The following PLXNA4 variants were observed in gnomAD, a reference collection of about 807,000 sequenced individuals.
PLXNA4 encodes plexin A4, also known as plexin-A4.
A neutral mutation model predicts 191.8 loss-of-function variants in PLXNA4; 44 were observed. The ratio of observed to expected loss-of-function variants is 0.23; its 90% confidence interval spans 0.18 to 0.29. The LOEUF (loss-of-function observed/expected upper bound fraction) is 0.29. PLXNA4 is among the 10% of genes least tolerant of loss of function. The pLI, the probability that PLXNA4 is intolerant of heterozygous loss-of-function variation, is 1.00. For missense variants in PLXNA4, 1,800 were observed against 2,488.8 expected, an observed-to-expected ratio of 0.72 and a Z score of 5.89; for synonymous variants, 1,082 against 1,009.5, an observed-to-expected ratio of 1.07 and a Z score of -1.36.
At chr7:132,240,052 C>T (rs997555136) in intron 5 of PLXNA4, among the ~76,000 whole-genome samples, 2 of 152,212 alleles carry the variant, frequency 1.3e-5, no homozygotes, top group South Asian at 4.1e-4. Context: ...CAAGATCCTG[C>T]CCCACCTTCT....
In PLXNA4 at chr7:132,531,409, C is replaced by G. The variant is rs183330406; in HGVS notation, c.-86-22630G>C. Among the ~76,000 whole-genome samples, 442 of 152,318 alleles carry G rather than the reference C, an allele frequency of 2.9e-3. 2 individuals carry two copies. The highest frequency in any genetic ancestry group is 3.9e-3 in the Admixed American group (60 of 15,308). On this transcript the variant is annotated intron_variant, in intron 1 of 31. Transcript: ENST00000321063. ...TCTACATGAATTACCTATTCTATTT[C>G]TCTTAATAGTCTATAAGGTAGATAT...
At chr7:132,318,733 C>T (rs914354520) in intron 3 of PLXNA4, among the ~76,000 whole-genome samples, 1 of 146,360 alleles carries the variant, frequency 6.8e-6, no homozygotes, top group Non-Finnish European at 1.5e-5. Context: ...AGGGAGAAAT[C>T]GAACCCATCT....
At chr7:132,466,334 C>T (rs1447844518) in intron 3 of PLXNA4, among the ~76,000 whole-genome samples, 1 of 152,182 alleles carries the variant, frequency 6.6e-6, no homozygotes, top group African/African-American at 2.4e-5. Flanking sequence ...GCTCTGGAGC[C>T]AGGAGTCAGG....
In PLXNA4 at chr7:132,508,052, G is replaced by A. The variant is rs535606064; in HGVS notation, c.642C>T (p.Phe214=). The A allele has an allele frequency of 5.0e-5, 81 of 1,614,210 alleles. No individual in the cohort carries two copies. The highest frequency in any genetic ancestry group is 1.6e-4 in the Middle Eastern group (1 of 6,062). The part of the protein sequence containing the change: ...LTKNSEADGM[F]AYVFHDEFVA... ...CGAACTCATCATGGAAGACGTACGC[G>A]AACATGCCATCCGCCTCAGAGTTCT... The change falls in exon 2 of 32, where the codon TTC becomes TTT. Residue 214 remains phenylalanine (F), a synonymous_variant. Transcript: ENST00000321063. The surrounding 1 kb of genome is among the most constrained non-coding windows in gnomAD (Gnocchi z 4.4).
chr7:132,576,528 C>CGT (rs1411188473), upstream of PLXNA4: 3 of 985,820 alleles, frequency 3.0e-6, no homozygotes, highest in African/African-American at 5.2e-5. The surrounding 1 kb of genome is among the most constrained non-coding windows in gnomAD (Gnocchi z 5.8). Flanking sequence ...CGTGTGCGCG[C>CGT]GTGTGGCTGC....
At chr7:132,186,787 T>C (rs61627721) in intron 15 of PLXNA4, among the ~76,000 whole-genome samples, 29,320 of 152,142 alleles carry the variant, frequency 0.19, 3,828 homozygotes, top group African/African-American at 0.36. Flanking sequence ...TATAGTTTAA[T>C]TTTGTAACAA....
At chr7:132,167,497 G>C (rs1484104045) in intron 22 of PLXNA4, among the ~76,000 whole-genome samples, 1 of 151,906 alleles carries the variant, frequency 6.6e-6, no homozygotes. Context: ...TGATTCAGCG[G>C]GTCTGGGAGG....
intron 20 of PLXNA4, among the ~76,000 whole-genome samples, chr7:132,178,835 TACAC>T (rs1182793365): frequency 4.8e-5 from 4 of 83,374 alleles, no homozygotes; most frequent in Non-Finnish European, 8.1e-5. Flanking sequence ...CACATACACA[TACAC>T]ATATATACAC....
intron 14 of PLXNA4, among the ~76,000 whole-genome samples, chr7:132,190,852 T>G (rs1047970703): frequency 6.6e-6 from 1 of 151,992 alleles, no homozygotes; most frequent in East Asian, 1.9e-4. Flanking sequence ...GACTGACTGG[T>G]TTGACGAGGA....
At chr7:132,173,611 C>T (rs940238310) in intron 21 of PLXNA4, among the ~76,000 whole-genome samples, 1 of 152,190 alleles carries the variant, frequency 6.6e-6, no homozygotes, top group African/African-American at 2.4e-5. Context: ...CCACGAATGC[C>T]CCTCTGGACT....
At chr7:132,457,919 T>A (rs754959907) in intron 3 of PLXNA4, among the ~76,000 whole-genome samples, 3 of 152,218 alleles carry the variant, frequency 2.0e-5, no homozygotes, top group Non-Finnish European at 2.9e-5. Flanking sequence ...AGCAGGAATG[T>A]GGCCTTGTGC....
intron 3 of PLXNA4, among the ~76,000 whole-genome samples, chr7:132,449,568 G>A (rs1796040339): frequency 6.6e-6 from 1 of 152,216 alleles, no homozygotes; most frequent in Non-Finnish European, 1.5e-5. Flanking sequence ...CCATAAAGGG[G>A]TGAGGAGGCA....
intron 3 of PLXNA4, among the ~76,000 whole-genome samples, chr7:132,381,537 T>A (rs1477343590): frequency 6.6e-6 from 1 of 152,236 alleles, no homozygotes; most frequent in South Asian, 2.1e-4. Context: ...TTTGACCAGA[T>A]AATCTTTTAT....
intron 3 of PLXNA4, among the ~76,000 whole-genome samples, chr7:132,361,955 C>G (rs541378867): frequency 6.6e-6 from 1 of 152,134 alleles, no homozygotes; most frequent in Non-Finnish European, 1.5e-5. Context: ...CTTTTCTTTC[C>G]TTCACTTCCA....
intron 7 of PLXNA4, 113 bp downstream of exon 7, chr7:132,227,338 C>A: frequency 2.1e-6 from 3 of 1,426,344 alleles, no homozygotes; most frequent in Non-Finnish European, 2.9e-6. Context: ...ATGCCCCTTC[C>A]TCTGACTCTC....
At chr7:132,388,642 C>A (rs137866695) in intron 3 of PLXNA4, among the ~76,000 whole-genome samples, 7 of 152,114 alleles carry the variant, frequency 4.6e-5, no homozygotes, top group South Asian at 2.1e-4. Context: ...AGGATAAGTA[C>A]GTATGAAGAG....
rs142466019 is a variant in PLXNA4 at position 132,207,874 on chromosome 7, C to T, written c.2298+3069G>A. On this transcript the variant is annotated intron_variant, in intron 10 of 31. Coordinates refer to ENST00000321063, the MANE Select transcript of PLXNA4 (RefSeq NM_020911.2). ...CAAAGCTGGGGTAGAAAGTGCCCTT[C>T]GCTGCTGTTCTTTGCTCAACCTTTG... is the stretch of plus-strand genomic sequence containing the variant. Among the ~76,000 whole-genome samples, 56 of 152,330 alleles carry T rather than the reference C, an allele frequency of 3.7e-4. No homozygotes were observed. The East Asian group carries it at 5.8e-3, about 16-fold the overall frequency.
intron 1 of PLXNA4, among the ~76,000 whole-genome samples, chr7:132,556,572 G>C (rs1394888777): frequency 6.6e-6 from 1 of 152,264 alleles, no homozygotes; most frequent in Admixed American, 6.5e-5. Flanking sequence ...TTGGCATTAA[G>C]TTGGGTTGCA....
intron 3 of PLXNA4, among the ~76,000 whole-genome samples, chr7:132,424,431 T>A (rs1794962966): frequency 3.3e-5 from 5 of 152,222 alleles, no homozygotes. Flanking sequence ...CTGCTCCTTG[T>A]GGACGTCCAA....
Sources: allele counts gnomAD v4.1 joint callset (sites outside exome capture counted in the v4.1 genomes callset), GRCh38; gene constraint gnomAD v4.1.1; non-coding constraint Gnocchi (gnomAD v3.1); transcripts MANE v1.5; gene names NCBI Gene and HGNC (gene_info 2026-07-23, HGNC 2026-07-21).